SYNRG: variants seen among roughly 807,000 people sequenced by gnomAD.
SYNRG encodes AP1 gamma subunit binding protein 1.
A neutral mutation model predicts 130.9 loss-of-function variants in SYNRG; 37 were observed. The observed-to-expected ratio is 0.28, with a 90% confidence interval of 0.22 to 0.37. The LOEUF (loss-of-function observed/expected upper bound fraction) is 0.37, where lower values mean the gene tolerates loss of function less well. Ranked by LOEUF, SYNRG falls within the 10% of genes least tolerant of loss-of-function variation. The pLI is 1.00. For missense variants in SYNRG, 1,338 were observed against 1,588.9 expected, an observed-to-expected ratio of 0.84 and a Z score of 2.68; for synonymous variants, 539 against 568.1, an observed-to-expected ratio of 0.95 and a Z score of 0.73.
intron 3 of SYNRG, among the ~76,000 whole-genome samples, chr17:37,590,670 CG>C (rs1333708709): frequency 6.6e-6 from 1 of 152,060 alleles, no homozygotes; most frequent in Non-Finnish European, 1.5e-5. Context: ...CCTGTAATCC[CG>C]GCACTTTGGG....
chr17:37,523,964 C>T (rs2055490973), intron 19 of SYNRG, among the ~76,000 whole-genome samples: 1 of 152,232 alleles, frequency 6.6e-6, no homozygotes, highest in Non-Finnish European at 1.5e-5. Flanking sequence ...AAGAGTGAGA[C>T]AACGGGAGGG....
rs567404479 is a variant in SYNRG at position 37,561,811 on chromosome 17, A to AT, written c.1482-223dup. ...AACAAAAAACATTACCCAAACAATC[A>AT]TTTTTTTCTTGATTAAATGAAGAGG... is the stretch of plus-strand genomic sequence containing the variant. On this transcript the variant is annotated intron_variant, in intron 11 of 21. Coordinates refer to ENST00000612223, the MANE Select transcript of SYNRG (RefSeq NM_007247.6). Among the ~76,000 whole-genome samples the AT allele has an allele frequency of 1.2e-4, 18 of 151,570 alleles. 1 individual carries two copies. In the South Asian group the frequency reaches 3.6e-3, roughly 30 times the overall value.
intron 8 of SYNRG, 142 bp from the exon 9 acceptor site, chr17:37,572,129 T>A: frequency 1.4e-6 from 1 of 725,840 alleles, no homozygotes; most frequent in Non-Finnish European, 2.2e-6. Flanking sequence ...TAAATTGCTT[T>A]AAACATATTC....
At position 37,528,221 on chromosome 17, in the gene SYNRG, A is replaced by T. The variant is rs142835732; in HGVS notation, c.3667-7573T>A. Among the ~76,000 whole-genome samples the T allele has an allele frequency of 6.6e-4, 100 of 152,232 alleles. No homozygotes were observed. In the East Asian group the frequency reaches 0.018, roughly 28 times the overall value. ...TCTAGCTTCTAGAGATGGCCTCTGC[A>T]CTTCTTGGCTCGTGGTCCTATCTCA... On this transcript the variant is annotated intron_variant, in intron 19 of 21. Coordinates refer to ENST00000612223, the MANE Select transcript of SYNRG (RefSeq NM_007247.6).
chr17:37,527,675 A>G (rs2056110268), intron 19 of SYNRG, among the ~76,000 whole-genome samples: 1 of 152,238 alleles, frequency 6.6e-6, no homozygotes, highest in Non-Finnish European at 1.5e-5. Context: ...ATTAGGTGTT[A>G]TAAGTAATCT....
intron 3 of SYNRG, among the ~76,000 whole-genome samples, chr17:37,595,597 C>T (rs1379929732): frequency 6.6e-6 from 1 of 152,046 alleles, no homozygotes; most frequent in Non-Finnish European, 1.5e-5. Context: ...CATCACACAA[C>T]ATATTAGTGT....
intron 3 of SYNRG, among the ~76,000 whole-genome samples, chr17:37,590,699 T>C (rs1244537923): frequency 1.3e-5 from 2 of 152,020 alleles, no homozygotes; most frequent in African/African-American, 2.4e-5. Flanking sequence ...GGTGGGTGGA[T>C]TGCTTGAGGT....
In SYNRG at chr17:37,516,980, G is replaced by A. The variant is rs1056185930; in HGVS notation, c.*1960C>T. 2.0e-5 allele frequency: 3 copies of A among 152,258 alleles called. No individual in the cohort carries two copies. The highest frequency in any genetic ancestry group is 4.4e-5 in the Non-Finnish European group (3 of 68,074). The allele number at this position is 152,258 out of a possible 1,614,324, so 9.4% of individuals were successfully genotyped here. A position where few individuals can be genotyped will look rare whatever the true frequency, so the allele number is the denominator to read the frequency against. ...CACGCCTGTAATCCCGGTACTTTGG[G>A]AGGCTGAGGCGGGCGGATCGCCTGA... On this transcript the variant is annotated 3_prime_UTR_variant, in exon 22 of 22. Transcript: ENST00000612223.
intron 6 of SYNRG, among the ~76,000 whole-genome samples, chr17:37,583,222 C>T (rs1416730266): frequency 1.3e-5 from 2 of 152,220 alleles, no homozygotes; most frequent in East Asian, 3.9e-4. Context: ...GAACTCCTGA[C>T]TGCCTTTCTC....
chr17:37,562,167 T>A (rs1203801454), intron 11 of SYNRG, among the ~76,000 whole-genome samples: 4 of 152,246 alleles, frequency 2.6e-5, no homozygotes, highest in African/African-American at 7.2e-5. Flanking sequence ...AGTGCATACA[T>A]CTGATAAGCT....
rs145948376 is a variant in SYNRG at position 37,518,960 on chromosome 17, C to T, written c.3925G>A (p.Val1309Ile). The part of the protein sequence containing the change: ...NCVEPKPPGL[V>I]LPDLL ...GTTGTTCAGAGCAGGTCAGGCAGGACGAGGCCAGGAGGCTTTGGTTCGACA... is the reference window on the plus strand; with the variant it reads ...GTTGTTCAGAGCAGGTCAGGCAGGATGAGGCCAGGAGGCTTTGGTTCGACA... The change falls in exon 22 of 22, where the codon GTC becomes ATC. Residue 1309 changes from valine to isoleucine, a missense_variant. Transcript: ENST00000612223. 3.3e-5 allele frequency: 53 copies of T among 1,613,878 alleles called. No homozygotes were observed. The highest frequency in any genetic ancestry group is 3.3e-4 in the Middle Eastern group (2 of 6,040).
intron 19 of SYNRG, among the ~76,000 whole-genome samples, chr17:37,523,031 T>C (rs930922153): frequency 2.6e-5 from 4 of 152,174 alleles, no homozygotes; most frequent in African/African-American, 9.7e-5. Flanking sequence ...ACAGGGACAG[T>C]TGGTTGCCCT....
intron 1 of SYNRG, among the ~76,000 whole-genome samples, chr17:37,608,829 C>A (rs569270463): frequency 1.7e-4 from 26 of 152,208 alleles, no homozygotes; most frequent in African/African-American, 3.1e-4. Context: ...ACACACACAC[C>A]CCCCTTGGAA....
intron 3 of SYNRG, among the ~76,000 whole-genome samples, chr17:37,594,414 T>A (rs1329536730): frequency 6.7e-6 from 1 of 149,816 alleles, no homozygotes; most frequent in African/African-American, 2.4e-5. Context: ...TTAAAATACA[T>A]TGTATTCTAT....
chr17:37,577,649 C>T (rs762196171), intron 6 of SYNRG, 36 bp from the exon 7 acceptor site: 1 of 1,427,152 alleles, frequency 7.0e-7, no homozygotes, highest in South Asian at 1.2e-5. Flanking sequence ...TTGTATATAA[C>T]TGTATATGTC....
In SYNRG at chr17:37,565,962, G is replaced by T. The variant is rs1238930580; in HGVS notation, c.1481+2829C>A. The stretch of plus-strand genomic sequence containing the variant: ...CAGCCGCCCCGTCCGGGAGGGAGGT[G>T]GGGGGGTCAGCCCCCTGCCCGGCCA... On this transcript the variant is annotated intron_variant, in intron 11 of 21. Transcript: ENST00000612223. Among the ~76,000 whole-genome samples the T allele has an allele frequency of 7.5e-4, 112 of 150,208 alleles. 3 individuals carry two copies. The highest frequency in any genetic ancestry group is 2.7e-3 in the African/African-American group (109 of 40,302).
intron 19 of SYNRG, among the ~76,000 whole-genome samples, chr17:37,526,895 G>A (rs1294344534): frequency 2.6e-5 from 4 of 152,194 alleles, no homozygotes; most frequent in African/African-American, 4.8e-5. Context: ...CCCAGGACAT[G>A]GGTAGCTTTG....
At chr17:37,519,491 A>G (rs1420030316) in intron 21 of SYNRG, among the ~76,000 whole-genome samples, 4 of 152,218 alleles carry the variant, frequency 2.6e-5, no homozygotes, top group Admixed American at 2.6e-4. Flanking sequence ...CCACAAGCCT[A>G]TCATGACAAA....
At chr17:37,596,114 T>C in intron 3 of SYNRG, 109 bp downstream of exon 3, 1 of 1,287,410 alleles carries the variant, frequency 7.8e-7, no homozygotes, top group Middle Eastern at 2.4e-4. Context: ...AAGCCATTTA[T>C]TTATGCTTAT....
Sources: gnomAD v4.1 joint callset for allele counts (sites outside exome capture counted in the v4.1 genomes callset) on GRCh38, gnomAD v4.1.1 for gene constraint, MANE v1.5 for transcripts, NCBI Gene and HGNC (gene_info 2026-07-23, HGNC 2026-07-21) for gene names.